SAMD5: variants seen among roughly 807,000 people sequenced by gnomAD.
SAMD5 encodes the protein sterile alpha motif domain containing 5, also known as sterile alpha motif domain-containing protein 5.
Under a neutral mutation model 11.3 loss-of-function variants are expected in SAMD5, and 13 were observed. The observed-to-expected ratio is 1.15, with a 90% confidence interval of 0.75 to 1.83. The LOEUF (loss-of-function observed/expected upper bound fraction) is 1.83, where lower values mean the gene tolerates loss of function less well. Among genes scored for constraint, SAMD5 ranks in the 40% most tolerant of loss-of-function variants. The pLI is 0.00. For missense variants in SAMD5, 255 were observed against 239.1 expected, an observed-to-expected ratio of 1.07 and a Z score of -0.44; for synonymous variants, 129 against 111.3, an observed-to-expected ratio of 1.16 and a Z score of -1.00.
At chr6:147,947,530 G>A in the SAMD5 span, 1 of 152,106 alleles carries the variant, frequency 6.6e-6, no homozygotes, top group African/African-American at 2.4e-5. Context: ...GTAAGTGTTC[G>A]TTTTGCTCTG....
At chr6:147,523,929 G>A (rs1788294951) in intron 1 of SAMD5, among the ~76,000 whole-genome samples, 1 of 152,090 alleles carries the variant, frequency 6.6e-6, no homozygotes, top group Admixed American at 6.6e-5. Context: ...ACAAAATCAG[G>A]ATATTCATAT....
At chr6:147,642,643 T>C (rs144986004) in intron 1 of SAMD5, among the ~76,000 whole-genome samples, 2 of 152,300 alleles carry the variant, frequency 1.3e-5, no homozygotes, top group African/African-American at 4.8e-5. Flanking sequence ...ATTTTCCAGA[T>C]AAGAAAAATA....
intron 1 of SAMD5, among the ~76,000 whole-genome samples, chr6:147,545,675 C>T (rs1308823871): frequency 6.6e-6 from 1 of 152,008 alleles, no homozygotes. Flanking sequence ...TATAAATTTA[C>T]ATATATGTGT....
chr6:147,660,407 C>T (rs943294759), intron 1 of SAMD5, among the ~76,000 whole-genome samples: 57 of 152,168 alleles, frequency 3.7e-4, no homozygotes, highest in African/African-American at 1.4e-3. Context: ...TGCAGCCACC[C>T]TGCTTCCCTA....
the SAMD5 span, among the ~76,000 whole-genome samples, chr6:147,924,463 T>C: frequency 2.6e-4 from 39 of 152,168 alleles, no homozygotes; most frequent in Non-Finnish European, 5.6e-4. Flanking sequence ...CCTGTAATCA[T>C]GTGTGTGCCA....
chr6:147,737,192 T>C (rs1056321030), intron 1 of SAMD5: 5 of 317,252 alleles, frequency 1.6e-5, no homozygotes, highest in Non-Finnish European at 2.4e-5. Flanking sequence ...TTTTTTATAA[T>C]TGACAGCATG....
chr6:147,651,521 A>G (rs1175641891), intron 1 of SAMD5, among the ~76,000 whole-genome samples: 1 of 152,102 alleles, frequency 6.6e-6, no homozygotes, highest in Non-Finnish European at 1.5e-5. Context: ...GCTCTTATGA[A>G]TGAGATTAGA....
chr6:147,754,009 A>G, the SAMD5 span, among the ~76,000 whole-genome samples: 1 of 152,216 alleles, frequency 6.6e-6, no homozygotes, highest in Admixed American at 6.5e-5. Flanking sequence ...TTCAACAAAC[A>G]TGAAAATATA....
At chr6:147,813,383 A>G in the SAMD5 span, among the ~76,000 whole-genome samples, 1 of 152,256 alleles carries the variant, frequency 6.6e-6, no homozygotes, top group Non-Finnish European at 1.5e-5. Context: ...TGCTGAAAGT[A>G]TTTTATGACT....
Position 147,616,946 on chromosome 6 carries a change from C to T in SAMD5, c.162+107559C>T, listed in dbSNP as rs561285560. On this transcript the variant is annotated intron_variant, in intron 1 of 1. Transcript: ENST00000566741. ...AGGACTGCAGGTCCCTCCCTTGACA[C>T]GTGGGGATTACAGTTTGAGGCGAGA... Among the ~76,000 whole-genome samples, 348 of 152,274 alleles carry T rather than the reference C, an allele frequency of 2.3e-3. 1 individual carries two copies. The highest frequency in any genetic ancestry group is 7.7e-3 in the African/African-American group (320 of 41,556).
intron 1 of SAMD5, chr6:147,660,663 C>G (rs1790635505): frequency 7.9e-6 from 1 of 126,966 alleles, no homozygotes; most frequent in Non-Finnish European, 1.8e-5. Context: ...CTCAGGCGAT[C>G]TGGATCTGGA....
At chr6:147,899,189 A>AAAAG in the SAMD5 span, among the ~76,000 whole-genome samples, 83 of 123,442 alleles carry the variant, frequency 6.7e-4, 2 homozygotes, top group Middle Eastern at 4.0e-3. Context: ...AAAAAAAAAA[A>AAAAG]AAAAGATAAC....
chr6:147,703,769 G>T (rs1791288776), intron 1 of SAMD5, among the ~76,000 whole-genome samples: 1 of 152,164 alleles, frequency 6.6e-6, no homozygotes, highest in Non-Finnish European at 1.5e-5. Context: ...TTATCATGAT[G>T]AGGTTGAAGT....
intron 1 of SAMD5, among the ~76,000 whole-genome samples, chr6:147,684,368 G>T (rs1229167355): frequency 6.7e-6 from 1 of 149,080 alleles, no homozygotes; most frequent in Non-Finnish European, 1.5e-5. Context: ...ATAGTCATTT[G>T]TGTCTCTTAG....
At chr6:147,636,233 A>G (rs1790228866) in intron 1 of SAMD5, among the ~76,000 whole-genome samples, 1 of 152,316 alleles carries the variant, frequency 6.6e-6, no homozygotes, top group Non-Finnish European at 1.5e-5. Context: ...AGAGGATATT[A>G]TGACAGTGGA....
the SAMD5 span, among the ~76,000 whole-genome samples, chr6:147,838,531 G>GCCCCCC: frequency 1.6e-5 from 2 of 127,702 alleles, no homozygotes; most frequent in African/African-American, 3.1e-5. Flanking sequence ...AGAATATCCT[G>GCCCCCC]CCCCCCCCCC....
chr6:147,786,754 T>C, the SAMD5 span, among the ~76,000 whole-genome samples: 6 of 152,314 alleles, frequency 3.9e-5, no homozygotes, highest in South Asian at 1.0e-3. Context: ...TCTAATTTAT[T>C]TTAAAATCAT....
intron 1 of SAMD5, among the ~76,000 whole-genome samples, chr6:147,622,117 T>A (rs555002374): frequency 8.5e-5 from 13 of 152,262 alleles, no homozygotes; most frequent in Non-Finnish European, 1.5e-4. Flanking sequence ...TTCCCAAAGA[T>A]AGGCAGGGTA....
the SAMD5 span, among the ~76,000 whole-genome samples, chr6:147,818,012 A>G: frequency 7.9e-5 from 12 of 152,356 alleles, no homozygotes; most frequent in South Asian, 2.5e-3. Context: ...ACTTTAGTTA[A>G]AAGGGTAGCT....
Sources: allele counts gnomAD v4.1 joint callset (sites outside exome capture counted in the v4.1 genomes callset), GRCh38; gene constraint gnomAD v4.1.1; transcripts MANE v1.5; gene names NCBI Gene and HGNC (gene_info 2026-07-23, HGNC 2026-07-21).